The following OR51E2 variants were observed in gnomAD, a reference collection of about 807,000 sequenced individuals.
The protein encoded by OR51E2 is olfactory receptor 51E2.
OR51E2 carries 14 observed loss-of-function variants against 13.7 expected under a neutral mutation model. The ratio of observed to expected loss-of-function variants is 1.02; its 90% CI spans 0.68 to 1.60. The LOEUF (loss-of-function observed/expected upper bound fraction) is 1.60, where lower values mean the gene tolerates loss of function less well. OR51E2 is among the 40% of genes most tolerant of loss of function. OR51E2 has a pLI of 0.00. For synonymous variants in OR51E2, 180 were observed against 157.6 expected (o/e 1.14, Z -1.07); for missense variants, 483 against 413.8 (o/e 1.17, Z -1.45).
Position 4,680,450 on chromosome 11 carries a change from T to A in OR51E2, c.*1299A>T, listed in dbSNP as rs940644954. 1 of 152,660 alleles carries A rather than the reference T, an allele frequency of 6.6e-6. No homozygotes were observed. Among genetic ancestry groups the A allele is most frequent in the African/African-American group, 2.4e-5 (1 of 41,450 alleles). The allele number at this position is 152,660 out of a possible 1,614,324, so 9.5% of individuals were successfully genotyped here. Reference sequence around the variant, plus strand: ...ACAAGTACAAAGCCATTGATGTTAGTGTGTAACAGAGAGAAAACAGAGGAT... The same window carrying A: ...ACAAGTACAAAGCCATTGATGTTAGAGTGTAACAGAGAGAAAACAGAGGAT... On this transcript the variant is annotated 3_prime_UTR_variant, in exon 2 of 2. Transcript: ENST00000396950.
intron 1 of OR51E2, among the ~76,000 whole-genome samples, chr11:4,695,264 T>C (rs1166371745): frequency 1.3e-5 from 2 of 152,214 alleles, no homozygotes; most frequent in Non-Finnish European, 2.9e-5. Context: ...CCATCTCTTC[T>C]CATTTAATGC....
intron 1 of OR51E2, chr11:4,690,692 T>C (rs564602668): frequency 9.2e-6 from 3 of 327,752 alleles, no homozygotes; most frequent in East Asian, 1.6e-4. Context: ...TTTTTGTTTT[T>C]AATTGGAAAC....
intron 1 of OR51E2, among the ~76,000 whole-genome samples, chr11:4,689,771 G>A (rs1847555419): frequency 6.6e-6 from 1 of 152,092 alleles, no homozygotes; most frequent in Non-Finnish European, 1.5e-5. Context: ...AGGGTTGACA[G>A]AAATGCTGAA....
chr11:4,682,415 C>A lies in OR51E2; in HGVS notation c.297G>T (p.Gln99His). The A allele has an allele frequency of 6.2e-6, 10 of 1,614,180 alleles. No individual in the cohort carries two copies. Among genetic ancestry groups the A allele is most frequent in the Non-Finnish European group, 4.2e-6 (5 of 1,180,034 alleles). ...CTGAGAGGGCATGAATAAAGAACAT[C>A]TGGGTAAGACAGGCCTCAAAGCTAA... Reference protein sequence around the residue: ...REISFEACLTQMFFIHALSAI... With the variant: ...REISFEACLTHMFFIHALSAI... The change falls in exon 2 of 2, where the codon CAG becomes CAT. Residue 99 changes from glutamine to histidine, a missense_variant. By Grantham distance (24) the Gln-to-His change is conservative. Coordinates refer to ENST00000396950, the MANE Select transcript of OR51E2 (RefSeq NM_030774.4).
chr11:4,685,228 G>C (rs1284100128), intron 1 of OR51E2: 2 of 152,322 alleles, frequency 1.3e-5, no homozygotes, highest in African/African-American at 4.8e-5. Context: ...ATGTCCACTT[G>C]TGTGCCATTC....
chr11:4,695,805 G>T (rs1847649145), intron 1 of OR51E2, among the ~76,000 whole-genome samples: 1 of 151,908 alleles, frequency 6.6e-6, no homozygotes, highest in Non-Finnish European at 1.5e-5. Flanking sequence ...GTTAAACAAT[G>T]GTTTTGTTCT....
intron 1 of OR51E2, chr11:4,691,695 G>A: frequency 2.7e-6 from 1 of 366,104 alleles, no homozygotes; most frequent in South Asian, 2.1e-5. Context: ...ATTCTGCAAA[G>A]TTGACGTGAT....
Position 4,688,283 on chromosome 11 carries a change from C to G in OR51E2, c.-50-5522G>C, listed in dbSNP as rs1021192980. On this transcript the variant is annotated intron_variant, in intron 1 of 1. Coordinates refer to ENST00000396950, the MANE Select transcript of OR51E2 (RefSeq NM_030774.4). ...TGTTATTATTATAACATCAAGGGCC[C>G]TGTAATGGGGTGCACTTGAGCAGAG... Among the ~76,000 whole-genome samples, 6 of 152,116 alleles carry G rather than the reference C, an allele frequency of 3.9e-5. No homozygotes were observed. In the East Asian group the frequency reaches 1.2e-3, roughly 29 times the overall value.
At chr11:4,687,229 G>T (rs181415112) in intron 1 of OR51E2, among the ~76,000 whole-genome samples, 1 of 152,248 alleles carries the variant, frequency 6.6e-6, no homozygotes, top group Admixed American at 6.5e-5. Context: ...ATGAAAAGAT[G>T]ATCTGCAGGG....
chr11:4,692,465 C>A (rs935517693), intron 1 of OR51E2, among the ~76,000 whole-genome samples: 1 of 152,226 alleles, frequency 6.6e-6, no homozygotes, highest in African/African-American at 2.4e-5. Context: ...AGAACAGAAT[C>A]TCTCTATTTT....
intron 1 of OR51E2, among the ~76,000 whole-genome samples, chr11:4,684,855 C>T (rs767643432): frequency 4.5e-4 from 69 of 152,198 alleles, no homozygotes; most frequent in African/African-American, 1.6e-3. Context: ...TCTTTGGGTC[C>T]GAATGTGACT....
rs768379786 is a variant in OR51E2, at chr11:4,691,515, T to C, written c.-51+6138A>G. 2.1e-4 allele frequency: 97 copies of C among 456,460 alleles called. 1 individual carries two copies. Among genetic ancestry groups the C allele is most frequent in the South Asian group, 1.5e-3 (96 of 64,390 alleles). The allele number at this position is 456,460 out of a possible 1,614,324, so 28.3% of individuals were successfully genotyped here. On this transcript the variant is annotated intron_variant, in intron 1 of 1. Transcript: ENST00000396950. ...AGTGGCGGACAGCATGGAGAGGAAA[T>C]AGTACATTGGTTCGTGGAGGCTGGG...
rs554216517 is a variant in OR51E2 at position 4,687,953 on chromosome 11, G to T, written c.-50-5192C>A. Among the ~76,000 whole-genome samples the T allele has an allele frequency of 7.3e-4, 111 of 152,290 alleles. 1 individual carries two copies. The highest frequency in any genetic ancestry group is 3.4e-3 in the Middle Eastern group (1 of 294). On this transcript the variant is annotated intron_variant, in intron 1 of 1. Coordinates refer to ENST00000396950, the MANE Select transcript of OR51E2 (RefSeq NM_030774.4). ...TCTTTGCTGGGACTTAGGACATGCA[G>T]GTTGTTTGTTGTCTCTGGGGCATTG... is the stretch of plus-strand genomic sequence containing the variant.
chr11:4,691,413 T>G (rs562430394), intron 1 of OR51E2: 1 of 457,856 alleles, frequency 2.2e-6, no homozygotes, highest in South Asian at 1.5e-5. Context: ...CAAGCAGGCA[T>G]TAAAGCTGAT....
intron 1 of OR51E2, among the ~76,000 whole-genome samples, chr11:4,696,131 G>A (rs1847653205): frequency 6.6e-6 from 1 of 152,134 alleles, no homozygotes; most frequent in Non-Finnish European, 1.5e-5. Flanking sequence ...GCATTTTGGA[G>A]AACAAAGCTC....
chr11:4,696,207 C>T (rs181366944), intron 1 of OR51E2, among the ~76,000 whole-genome samples: 1 of 152,206 alleles, frequency 6.6e-6, no homozygotes, highest in Admixed American at 6.5e-5. Flanking sequence ...ACATCTCTAC[C>T]CATCATCACT....
At chr11:4,690,562 G>A (rs2133249998) in intron 1 of OR51E2, 1 of 254,772 alleles carries the variant, frequency 3.9e-6, no homozygotes. Flanking sequence ...TCCATCCCAT[G>A]TCTTCACCTC....
In OR51E2 at chr11:4,694,808, A is replaced by G. The variant is rs1441906026; in HGVS notation, c.-51+2845T>C. Among the ~76,000 whole-genome samples the G allele has an allele frequency of 2.6e-5, 4 of 152,078 alleles. No homozygotes were observed. In the East Asian group the frequency reaches 5.8e-4, roughly 22 times the overall value. On this transcript the variant is annotated intron_variant, in intron 1 of 1. Coordinates refer to ENST00000396950, the MANE Select transcript of OR51E2 (RefSeq NM_030774.4). ...AAGAGATAATAGTGTGGAGTGGCAG[A>G]TTTGGAGTGTGTGCATACATGAATG...
intron 1 of OR51E2, among the ~76,000 whole-genome samples, chr11:4,691,920 C>T (rs1298852496): frequency 6.6e-6 from 1 of 152,094 alleles, no homozygotes; most frequent in East Asian, 1.9e-4. Flanking sequence ...CCTTAGTGTA[C>T]AATCTTTCTT....
Sources: allele counts gnomAD v4.1 joint callset (sites outside exome capture counted in the v4.1 genomes callset), GRCh38; gene constraint gnomAD v4.1.1; transcripts MANE v1.5; gene names NCBI Gene and HGNC (gene_info 2026-07-23, HGNC 2026-07-21).